NOTCH1: variants seen among roughly 807,000 people sequenced by gnomAD.
The protein encoded by NOTCH1 is notch receptor 1.
NOTCH1 carries 37 observed loss-of-function variants against 254.8 expected under a neutral mutation model. The observed-to-expected ratio is 0.15, with a 90% CI of 0.11 to 0.19. The LOEUF (loss-of-function observed/expected upper bound fraction) is 0.19, where lower values mean the gene tolerates loss of function less well. Among genes scored for constraint, NOTCH1 ranks in the 10% least tolerant of loss-of-function variants. The pLI is 1.00. For missense variants in NOTCH1, 2,972 were observed against 3,708.6 expected, an observed-to-expected ratio of 0.80 and a Z score of 5.16; for synonymous variants, 1,731 against 1,618.1, an observed-to-expected ratio of 1.07 and a Z score of -1.68.
chr9:136,537,623 C>A (rs1237279193), intron 2 of NOTCH1, among the ~76,000 whole-genome samples: 1 of 152,132 alleles, frequency 6.6e-6, no homozygotes, highest in African/African-American at 2.4e-5. Context: ...TAGCAAGACC[C>A]CGCTTCTGCA....
chr9:136,536,383 A>G (rs1322340962), intron 2 of NOTCH1, among the ~76,000 whole-genome samples: 1 of 152,152 alleles, frequency 6.6e-6, no homozygotes, highest in Non-Finnish European at 1.5e-5. Context: ...ACGGGCCTGG[A>G]TCTAGGCCAG....
intron 2 of NOTCH1, among the ~76,000 whole-genome samples, chr9:136,529,992 G>A (rs939380425): frequency 2.1e-5 from 3 of 146,010 alleles, no homozygotes; most frequent in Non-Finnish European, 3.1e-5. Context: ...AAAGCTGCAC[G>A]GGGGCCCTGC....
At chr9:136,532,297 C>T (rs1843574105) in intron 2 of NOTCH1, among the ~76,000 whole-genome samples, 1 of 152,218 alleles carries the variant, frequency 6.6e-6, no homozygotes, top group African/African-American at 2.4e-5. Context: ...AAACTTCTGC[C>T]CCTCCAAGGC....
chr9:136,502,547 G>A (rs1344073227), intron 27 of NOTCH1, 59 bp from the exon 28 acceptor site: 3 of 1,200,252 alleles, frequency 2.5e-6, no homozygotes, highest in East Asian at 5.4e-5. Flanking sequence ...TACGCAGCAG[G>A]CTGGTGGCCG....
rs1158782389 is a variant in NOTCH1, at chr9:136,513,791, A to C, written c.2208-254T>G. 2.0e-5 allele frequency among the ~76,000 whole-genome samples: 3 copies of C among 152,264 alleles called. No individual in the cohort carries two copies. The highest frequency in any genetic ancestry group is 7.2e-5 in the African/African-American group (3 of 41,546). On this transcript the variant is annotated intron_variant, in intron 13 of 33. Coordinates refer to ENST00000651671, the MANE Select transcript of NOTCH1 (RefSeq NM_017617.5). The surrounding 1 kb of genome is among the most constrained non-coding windows in gnomAD (Gnocchi z 4.7). ...CTGGCCAACATGGCGAAACTCCCCC[A>C]CCCCATATATACTAAAAATACAAAA...
rs11145767 is a variant in NOTCH1 at position 136,517,262 on chromosome 9, T to G, written c.1555+10A>C. The G allele has an allele frequency of 1.3e-6, 2 of 1,557,444 alleles. No homozygotes were observed. Among genetic ancestry groups the G allele is most frequent in the Non-Finnish European group, 1.8e-6 (2 of 1,140,682 alleles). ...ACGACCCGGGGGCAGGGGGCGGGGGTGGCCCTCACCCGTGGGGCACTCGCA... is the reference window on the plus strand; with the variant it reads ...ACGACCCGGGGGCAGGGGGCGGGGGGGGCCCTCACCCGTGGGGCACTCGCA... On this transcript the variant is annotated intron_variant, in intron 9 of 33. Coordinates refer to ENST00000651671, the MANE Select transcript of NOTCH1 (RefSeq NM_017617.5).
In NOTCH1 at chr9:136,502,086, G is replaced by A. The variant is rs557319054; in HGVS notation, c.5387C>T (p.Pro1796Leu). ...PLGEDSVGLK[P>L]LKNASDGALM... ...GGCACCGTCTGAAGCGTTCTTCAGG[G>A]GCCTGGGGGGTGAGGGGTCGAGAAG... The change falls in exon 29 of 34, where the codon CCC becomes CTC. Residue 1796 changes from proline to leucine, a missense_variant and splice_region_variant. Transcript: ENST00000651671. 3 of 1,613,010 alleles carry A rather than the reference G, an allele frequency of 1.9e-6. No individual in the cohort carries two copies. Among genetic ancestry groups the A allele is most frequent in the Admixed American group, 3.3e-5 (2 of 60,008 alleles).
intron 31 of NOTCH1, 61 bp downstream of exon 31, chr9:136,500,491 G>C (rs1253176978): frequency 1.3e-6 from 2 of 1,592,422 alleles, no homozygotes; most frequent in African/African-American, 2.7e-5. Context: ...CCTGGCCACT[G>C]CCCCAGACCA....
rs376506127 is a variant in NOTCH1 at position 136,517,741 on chromosome 9, G to T, written c.1441+11C>A. 2.7e-5 allele frequency: 43 copies of T among 1,612,272 alleles called. No individual in the cohort carries two copies. Among genetic ancestry groups the T allele is most frequent in the Non-Finnish European group, 2.1e-5 (25 of 1,179,814 alleles). On this transcript the variant is annotated intron_variant, in intron 8 of 33. Transcript: ENST00000651671. ...CGACTCGGTTTCCCGCCCTGGCCCC[G>T]GCCGACGCACCGGGCATGCAGATGC...
Position 136,506,441 on chromosome 9 carries a change from C to A in NOTCH1, c.4014+86G>T. The A allele has an allele frequency of 8.4e-7, 1 of 1,185,440 alleles. No individual in the cohort carries two copies. The highest frequency in any genetic ancestry group is 1.2e-6 in the Non-Finnish European group (1 of 827,182). The allele number at this position is 1,185,440 out of a possible 1,614,324, so 73.4% of individuals were successfully genotyped here. ...AGGATGAAGGCCGGGAGGATCACTGCCCGGTCTGCGCCCCGAGGCCCCCAC... is the reference window on the plus strand; with the variant it reads ...AGGATGAAGGCCGGGAGGATCACTGACCGGTCTGCGCCCCGAGGCCCCCAC... On this transcript the variant is annotated intron_variant, in intron 24 of 33. Transcript: ENST00000651671. The surrounding 1 kb of genome is among the most constrained non-coding windows in gnomAD (Gnocchi z 4.5).
intron 15 of NOTCH1, among the ~76,000 whole-genome samples, chr9:136,512,660 C>A (rs981230047): frequency 6.6e-6 from 1 of 152,246 alleles, no homozygotes; most frequent in African/African-American, 2.4e-5. Context: ...GTGACCCAGG[C>A]CCGGCCCTGC....
At chr9:136,515,758 G>A (rs978325939) in intron 10 of NOTCH1, 42 bp from the exon 11 acceptor site, 1 of 1,510,428 alleles carries the variant, frequency 6.6e-7, no homozygotes, top group African/African-American at 1.4e-5. Flanking sequence ...CTTAGGACTG[G>A]CGGCCCCCGG....
rs376161552 is a variant in NOTCH1, at chr9:136,506,977, C to T, written c.3644-4G>A. 6.0e-4 allele frequency: 955 copies of T among 1,594,840 alleles called. 5 individuals carry two copies. The highest frequency in any genetic ancestry group is 7.7e-4 in the Non-Finnish European group (900 of 1,172,414). ...ACGTTGATCTCACAGTGCACACCTG[C>T]GGGGCCAGGTTTCGTCAGTGGCCCA... On this transcript the variant is annotated splice_region_variant and splice_polypyrimidine_tract_variant and intron_variant, in intron 22 of 33. Coordinates refer to ENST00000651671, the MANE Select transcript of NOTCH1 (RefSeq NM_017617.5). The surrounding 1 kb of genome is among the most constrained non-coding windows in gnomAD (Gnocchi z 4.5).
chr9:136,516,550 C>T (rs1434761195), intron 9 of NOTCH1, among the ~76,000 whole-genome samples: 1 of 152,248 alleles, frequency 6.6e-6, no homozygotes, highest in Admixed American at 6.5e-5. Flanking sequence ...ATCTCCATTG[C>T]AGGCCAACCT....
intron 19 of NOTCH1, 122 bp downstream of exon 19, chr9:136,508,748 C>T (rs985491873): frequency 3.1e-5 from 31 of 997,684 alleles, no homozygotes; most frequent in Admixed American, 1.7e-4. Flanking sequence ...ACCCTCTGCC[C>T]GGGGGTGTGG....
At chr9:136,510,514 C>G in intron 17 of NOTCH1, 139 bp downstream of exon 17, 1 of 1,189,360 alleles carries the variant, frequency 8.4e-7, no homozygotes, top group Non-Finnish European at 1.2e-6. Flanking sequence ...AGCACATCCC[C>G]CACACCTGAC....
At chr9:136,512,374 G>A (rs1356828659) in intron 15 of NOTCH1, among the ~76,000 whole-genome samples, 1 of 152,178 alleles carries the variant, frequency 6.6e-6, no homozygotes, top group Non-Finnish European at 1.5e-5. Context: ...CCCTCTGCCC[G>A]CTCCTGGGGA....
intron 2 of NOTCH1, among the ~76,000 whole-genome samples, chr9:136,529,574 A>G (rs1471533094): frequency 1.3e-5 from 2 of 152,200 alleles, no homozygotes; most frequent in African/African-American, 4.8e-5. Context: ...CGTTGCTCAC[A>G]GCCCCTTCCC....
chr9:136,543,727 T>C, intron 2 of NOTCH1: 1 of 543,424 alleles, frequency 1.8e-6, no homozygotes, highest in East Asian at 3.2e-5. Context: ...CAACTGTTTC[T>C]TGGGGACTTA....
Sources: gnomAD v4.1 joint callset for allele counts (sites outside exome capture counted in the v4.1 genomes callset) on GRCh38, gnomAD v4.1.1 for gene constraint, Gnocchi (gnomAD v3.1) non-coding constraint, MANE v1.5 for transcripts, NCBI Gene and HGNC (gene_info 2026-07-23, HGNC 2026-07-21) for gene names.